Variants in UBE4A observed in about 807,000 individuals in gnomAD.
UBE4A encodes the protein ubiquitination factor E4A.
A neutral mutation model predicts 117.9 loss-of-function variants in UBE4A; 48 were observed. That is an observed-to-expected ratio of 0.41 (90% CI 0.32 to 0.52). The LOEUF is 0.52. Ranked by LOEUF, UBE4A falls within the 20% of genes least tolerant of loss-of-function variation. UBE4A has a pLI of 0.33. For missense variants in UBE4A, 1,067 were observed against 1,296.3 expected, an observed-to-expected ratio of 0.82 and a Z score of 2.72; for synonymous variants, 407 against 450.0, an observed-to-expected ratio of 0.90 and a Z score of 1.21.
chr11:118,376,465 A>T (rs1315260087), intron 9 of UBE4A, 109 bp from the exon 10 acceptor site: 2 of 1,411,216 alleles, frequency 1.4e-6, no homozygotes, highest in African/African-American at 1.4e-5. Flanking sequence ...ATATGACAAG[A>T]TATGTTTTTA....
rs769232362 is a variant in UBE4A at position 118,373,171 on chromosome 11, G to A, written c.807G>A (p.Met269Ile). 1.2e-6 allele frequency: 2 copies of A among 1,614,018 alleles called. No individual in the cohort carries two copies. The highest frequency in any genetic ancestry group is 1.1e-5 in the South Asian group (1 of 91,066). ...DEEVRTFPEV[M>I]IPVFDILLGR... is the part of the protein sequence containing the mutation. ...AAGTTAGAACATTTCCAGAAGTCATGATTCCAGTGTTTGATATTTTATTGG... is the reference window on the plus strand; with the variant it reads ...AAGTTAGAACATTTCCAGAAGTCATAATTCCAGTGTTTGATATTTTATTGG... The change falls in exon 7 of 20, where the codon ATG (methionine) becomes ATA (isoleucine). Residue 269 changes from methionine to isoleucine, a missense_variant. Transcript: ENST00000252108.
chr11:118,394,523 C>T (rs1457157824), intron 19 of UBE4A, among the ~76,000 whole-genome samples: 2 of 152,166 alleles, frequency 1.3e-5, no homozygotes, highest in East Asian at 3.9e-4. Context: ...GTAATCCCAG[C>T]ACTTTGGGAG....
chr11:118,364,775 T>C (rs12576486), intron 1 of UBE4A, among the ~76,000 whole-genome samples: 34,146 of 150,998 alleles, frequency 0.23, 4,499 homozygotes, highest in East Asian at 0.52. Flanking sequence ...CAAATAAAAG[T>C]ATATCAACAG....
chr11:118,384,950 A>T lies in UBE4A; in HGVS notation c.2412+5A>T. 3.1e-6 allele frequency: 2 copies of T among 647,622 alleles called. No individual in the cohort carries two copies. The highest frequency in any genetic ancestry group is 4.2e-6 in the Non-Finnish European group (2 of 480,482). The allele number at this position is 647,622 out of a possible 1,614,324, so 40.1% of individuals were successfully genotyped here. ...CTTTTGGATGAAGCCATACAGGTAA[A>T]AAAAAAAAAAAAAAAAAAGATTTAA... On this transcript the variant is annotated splice_donor_5th_base_variant and intron_variant, in intron 15 of 19. Transcript: ENST00000252108.
chr11:118,376,452 C>T lies in UBE4A; in HGVS notation c.1451-122C>T, dbSNP rs1271261370. 1.0e-5 allele frequency: 14 copies of T among 1,347,222 alleles called. No homozygotes were observed. In the African/African-American group the frequency reaches 1.7e-4, roughly 17 times the overall value. The allele number at this position is 1,347,222 out of a possible 1,614,324, so 83.5% of individuals were successfully genotyped here. A position where few individuals can be genotyped will look rare whatever the true frequency, so the allele number is the denominator to read the frequency against. ...CCAAAAGATATATTCAGACAAAGAA[C>T]TAATATGACAAGATATGTTTTTAAG... On this transcript the variant is annotated intron_variant, in intron 9 of 19. Coordinates refer to ENST00000252108, the MANE Select transcript of UBE4A (RefSeq NM_001204077.2).
intron 2 of UBE4A, among the ~76,000 whole-genome samples, chr11:118,367,786 C>T (rs186400305): frequency 8.6e-4 from 131 of 152,210 alleles, no homozygotes; most frequent in African/African-American, 2.9e-3. Context: ...GTGTGAGCCA[C>T]CGTGCCAGGC....
intron 5 of UBE4A, among the ~76,000 whole-genome samples, chr11:118,372,035 G>A (rs1284645459): frequency 2.6e-5 from 4 of 152,130 alleles, no homozygotes; most frequent in Admixed American, 2.0e-4. Context: ...CGATGCAGGC[G>A]GATCACATGA....
intron 1 of UBE4A, among the ~76,000 whole-genome samples, chr11:118,364,154 G>A (rs1012383009): frequency 1.5e-4 from 23 of 152,030 alleles, no homozygotes; most frequent in African/African-American, 5.6e-4. Flanking sequence ...TCAGAAAGGG[G>A]AGAAAGCCTT....
In UBE4A at chr11:118,375,951, G is replaced by A. The variant is rs79371991; in HGVS notation, c.1451-623G>A. On this transcript the variant is annotated intron_variant, in intron 9 of 19. Transcript: ENST00000252108. ...GGAGGTCTTCATAGCTGAGTCTTGA[G>A]AGACAAGTTAGGTTTTACCAGGCAA... 5.2e-3 allele frequency among the ~76,000 whole-genome samples: 793 copies of A among 152,310 alleles called. 6 individuals are homozygous for A. Among genetic ancestry groups the A allele is most frequent in the African/African-American group, 0.018 (743 of 41,564 alleles).
rs1163081363 is a variant in UBE4A at position 118,398,346 on chromosome 11, CTTCT to C, written c.*1909_*1912del. Reference sequence around the variant, plus strand: ...TGTAAGCCTTTTCTGGCAAGCTTTTCTTCTTTTTTTAAACTCTTTTCCTGAAACT... The same window carrying C: ...TGTAAGCCTTTTCTGGCAAGCTTTTCTTTTTTAAACTCTTTTCCTGAAACT... On this transcript the variant is annotated 3_prime_UTR_variant, in exon 20 of 20. Coordinates refer to ENST00000252108, the MANE Select transcript of UBE4A (RefSeq NM_001204077.2). The C allele has an allele frequency of 1.3e-5, 2 of 152,568 alleles. No individual in the cohort carries two copies. Among genetic ancestry groups the C allele is most frequent in the African/African-American group, 4.8e-5 (2 of 41,418 alleles). The allele number at this position is 152,568 out of a possible 1,614,324, so 9.5% of individuals were successfully genotyped here.
At chr11:118,372,945 C>T (rs1948620855) in intron 6 of UBE4A, 141 bp from the exon 7 acceptor site, 2 of 854,748 alleles carry the variant, frequency 2.3e-6, no homozygotes, top group Non-Finnish European at 1.8e-6. Flanking sequence ...TGAATAGCCA[C>T]TACACTCCAG....
Position 118,374,912 on chromosome 11 carries a change from A to G in UBE4A, c.1133A>G (p.His378Arg), listed in dbSNP as rs782446440. The change falls in exon 9 of 20, where the codon CAC (histidine) becomes CGC (arginine). Residue 378 changes from histidine (H) to arginine (R), a missense_variant. Coordinates refer to ENST00000252108, the MANE Select transcript of UBE4A (RefSeq NM_001204077.2). ...GTTGAACAGTTCATGGCTCAGTTCCACGAAAAGATCTACCAGATGCTGAAG... is the reference window on the plus strand; with the variant it reads ...GTTGAACAGTTCATGGCTCAGTTCCGCGAAAAGATCTACCAGATGCTGAAG... ...ANIHQFMAQF[H>R]EKIYQMLKNL... The G allele has an allele frequency of 4.2e-5, 65 of 1,534,452 alleles. 1 individual carries two copies. In the South Asian group the frequency reaches 8.4e-4, roughly 20 times the overall value.
chr11:118,393,543 A>G (rs1948839439), intron 19 of UBE4A, among the ~76,000 whole-genome samples: 1 of 151,306 alleles, frequency 6.6e-6, no homozygotes. Context: ...AAGCGATCCA[A>G]CCGCCTCAGC....
At position 118,381,433 on chromosome 11, in the gene UBE4A, G is replaced by A. The variant is rs782227431; in HGVS notation, c.1919G>A (p.Arg640His). Residue 640 changes from arginine to histidine, a missense_variant, in exon 12 of 20, where the codon CGC becomes CAC. Arg to His is a conservative substitution (Grantham distance 29). Around this residue, in one of 3 missense-constraint regions of UBE4A, gnomAD observed 1,001 missense variants for 1,184.0 expected, o/e 0.85. Transcript: ENST00000252108. ...CTGGGTGATTTTCTCATTTTTCTCC[G>A]CCGCTTTGCCGATGACATTTTGGAG... is the stretch of plus-strand genomic sequence containing the variant. The part of the protein sequence containing the change: ...DNLGDFLIFL[R>H]RFADDILETS... The A allele has an allele frequency of 3.7e-6, 6 of 1,613,638 alleles. No individual in the cohort carries two copies. The highest frequency in any genetic ancestry group is 2.2e-5 in the East Asian group (1 of 44,856).
intron 7 of UBE4A, 65 bp downstream of exon 7, chr11:118,373,353 C>G (rs1591297867): frequency 1.9e-6 from 3 of 1,570,514 alleles, no homozygotes; most frequent in African/African-American, 1.4e-5. Flanking sequence ...CTTCCCTATC[C>G]TGAAGACACT....
chr11:118,366,240 T>C (rs562307918), intron 2 of UBE4A, among the ~76,000 whole-genome samples: 74 of 152,266 alleles, frequency 4.9e-4, no homozygotes, highest in African/African-American at 1.6e-3. Flanking sequence ...CAGATTTCTA[T>C]GATACGGGGC....
intron 4 of UBE4A, among the ~76,000 whole-genome samples, chr11:118,370,215 C>T (rs988132320): frequency 2.6e-5 from 4 of 152,186 alleles, no homozygotes; most frequent in African/African-American, 7.2e-5. Flanking sequence ...TCTCATGTTG[C>T]GGCTTTCTTA....
intron 13 of UBE4A, among the ~76,000 whole-genome samples, chr11:118,383,588 C>CAAAAAAAA (rs11375309): frequency 1.8e-5 from 1 of 54,222 alleles, no homozygotes; most frequent in Non-Finnish European, 3.6e-5. Context: ...AAATCCCTCT[C>CAAAAAAAA]AAAAAAAAAA....
intron 9 of UBE4A, among the ~76,000 whole-genome samples, chr11:118,375,614 C>T (rs368888032): frequency 2.2e-4 from 33 of 152,198 alleles, no homozygotes; most frequent in African/African-American, 7.9e-4. Context: ...CCGCCTCAGC[C>T]TCTCAAAGTG....
Sources: allele counts gnomAD v4.1 joint callset (sites outside exome capture counted in the v4.1 genomes callset), GRCh38; gene constraint gnomAD v4.1.1; regional missense constraint gnomAD v4.1.1; transcripts MANE v1.5; gene names NCBI Gene and HGNC (gene_info 2026-07-23, HGNC 2026-07-21).